Variants in ACACB observed in about 807,000 individuals in gnomAD.
ACACB encodes acetyl-CoA carboxylase beta, also known as acetyl-CoA carboxylase 2.
A neutral mutation model predicts 278.8 loss-of-function variants in ACACB; 209 were observed. The observed-to-expected ratio is 0.75, with a 90% CI of 0.67 to 0.84. The LOEUF is 0.84. Ranked by LOEUF, ACACB falls within the 40% of genes least tolerant of loss-of-function variation. The pLI is 0.00. For missense variants in ACACB, 2,850 were observed against 3,269.0 expected, an observed-to-expected ratio of 0.87 and a Z score of 3.13; for synonymous variants, 1,174 against 1,285.6, an observed-to-expected ratio of 0.91 and a Z score of 1.86.
At chr12:109,233,583 A>G (rs1379693271) in intron 29 of ACACB, among the ~76,000 whole-genome samples, 165 bp from the exon 30 acceptor site, 3 of 152,166 alleles carry the variant, frequency 2.0e-5, no homozygotes, top group African/African-American at 7.2e-5. Flanking sequence ...GCTCTGGACA[A>G]AGTAGACAGG....
At chr12:109,137,533 A>T (rs1299677645) in intron 1 of ACACB, among the ~76,000 whole-genome samples, 1 of 151,774 alleles carries the variant, frequency 6.6e-6, no homozygotes, top group African/African-American at 2.4e-5. Flanking sequence ...GGTGGGGGGC[A>T]CCTGTAATCC....
rs112762957 is a variant in ACACB at position 109,128,141 on chromosome 12, T to C, written c.-9-11256T>C. 2.2e-3 allele frequency among the ~76,000 whole-genome samples: 329 copies of C among 152,200 alleles called. 1 individual carries two copies. Among genetic ancestry groups the C allele is most frequent in the African/African-American group, 7.4e-3 (309 of 41,528 alleles). On this transcript the variant is annotated intron_variant, in intron 1 of 52. Transcript: ENST00000338432. ...ACTGCCTTCTAGATGTGGCTTTTCC[T>C]GATTCTGAGATTCTAGCAATTAGAT... is the stretch of plus-strand genomic sequence containing the variant.
At position 109,210,353 on chromosome 12, in the gene ACACB, C is replaced by A. The variant is rs111219733; in HGVS notation, c.3249+1000C>A. Among the ~76,000 whole-genome samples the A allele has an allele frequency of 7.8e-4, 56 of 71,660 alleles. 6 individuals are homozygous for A. In the East Asian group the frequency reaches 0.021, roughly 27 times the overall value. 47.0% of individuals were successfully genotyped at this position (71,660 alleles called of 152,430 possible). A position where few individuals can be genotyped will look rare whatever the true frequency, so the allele number is the denominator to read the frequency against. Reference sequence around the variant, plus strand: ...TATGTATATACACGCACACACATATCTGTGTATATATGTATATACACGCAC... The same window carrying A: ...TATGTATATACACGCACACACATATATGTGTATATATGTATATACACGCAC... On this transcript the variant is annotated intron_variant, in intron 21 of 52. Coordinates refer to ENST00000338432, the MANE Select transcript of ACACB (RefSeq NM_001093.4).
chr12:109,236,394 T>A (rs962302442), intron 33 of ACACB: 2 of 152,350 alleles, frequency 1.3e-5, no homozygotes, highest in Non-Finnish European at 2.9e-5. Context: ...CTGTTTTTCT[T>A]ATGCTCGTCT....
In ACACB at chr12:109,242,606, C is replaced by G; in HGVS notation, c.5178+14C>G. ...ATGTTCAGGCAGGCAAGTCCGGCGGCTCAGACGCGGTACCCCCTGGGTCCT... is the reference window on the plus strand; with the variant it reads ...ATGTTCAGGCAGGCAAGTCCGGCGGGTCAGACGCGGTACCCCCTGGGTCCT... On this transcript the variant is annotated intron_variant, in intron 37 of 52. Coordinates refer to ENST00000338432, the MANE Select transcript of ACACB (RefSeq NM_001093.4). 1.2e-6 allele frequency: 2 copies of G among 1,613,684 alleles called. No individual in the cohort carries two copies. Among genetic ancestry groups the G allele is most frequent in the African/African-American group, 2.7e-5 (2 of 75,056 alleles).
intron 21 of ACACB, among the ~76,000 whole-genome samples, chr12:109,211,497 C>A (rs950714205): frequency 2.0e-5 from 3 of 152,006 alleles, no homozygotes; most frequent in Admixed American, 1.3e-4. Flanking sequence ...AGGTGATCTG[C>A]CTGCCTCGGC....
At chr12:109,162,798 G>C (rs114850169) in intron 2 of ACACB, among the ~76,000 whole-genome samples, 2 of 152,130 alleles carry the variant, frequency 1.3e-5, no homozygotes. Context: ...GATCCCCAAC[G>C]CACTCCTACC....
intron 37 of ACACB, among the ~76,000 whole-genome samples, chr12:109,243,170 A>T (rs1174948931): frequency 6.6e-6 from 1 of 152,198 alleles, no homozygotes; most frequent in Non-Finnish European, 1.5e-5. Context: ...TAACATTTTG[A>T]TGTGTTTCCT....
At chr12:109,218,710 A>G (rs2046077122) in intron 24 of ACACB, among the ~76,000 whole-genome samples, 1 of 148,246 alleles carries the variant, frequency 6.7e-6, no homozygotes, top group Non-Finnish European at 1.5e-5. Context: ...CTGGGGTGCA[A>G]TGGCATAATC....
chr12:109,170,738 A>C (rs1343356354), intron 4 of ACACB, among the ~76,000 whole-genome samples: 1 of 151,994 alleles, frequency 6.6e-6, no homozygotes, highest in Non-Finnish European at 1.5e-5. Flanking sequence ...ATATAAATAT[A>C]CTTCACTATT....
intron 11 of ACACB, among the ~76,000 whole-genome samples, chr12:109,183,424 T>C (rs892569520): frequency 5.3e-5 from 8 of 152,354 alleles, no homozygotes; most frequent in African/African-American, 1.7e-4. Context: ...ACATGGAATA[T>C]CTTTCCATTT....
chr12:109,225,798 G>A (rs2046297706), intron 27 of ACACB, among the ~76,000 whole-genome samples: 1 of 152,114 alleles, frequency 6.6e-6, no homozygotes, highest in Admixed American at 6.5e-5. Context: ...GCTCTAAGTG[G>A]AAAATACACA....
chr12:109,117,325 A>G (rs1447993459), intron 1 of ACACB, among the ~76,000 whole-genome samples: 1 of 148,968 alleles, frequency 6.7e-6, no homozygotes, highest in Non-Finnish European at 1.5e-5. Flanking sequence ...GCGCCACTGC[A>G]TTCCAGCCTG....
intron 1 of ACACB, among the ~76,000 whole-genome samples, 179 bp from the exon 2 acceptor site, chr12:109,139,218 G>T (rs1337971458): frequency 6.6e-6 from 1 of 152,136 alleles, no homozygotes; most frequent in Non-Finnish European, 1.5e-5. Flanking sequence ...ATCCAGAGGG[G>T]TGAAGGAATA....
Position 109,264,354 on chromosome 12 carries a change from C to T in ACACB, c.6910C>T (p.Pro2304Ser). 1 of 1,614,084 alleles carries T rather than the reference C, an allele frequency of 6.2e-7. No individual in the cohort carries two copies. Residue 2304 changes from proline to serine, a missense_variant, in exon 50 of 53, where the codon CCC (proline) becomes TCC (serine). Pro to Ser is a moderately conservative substitution (Grantham distance 74). Around this residue, in one of 3 missense-constraint regions of ACACB, gnomAD observed 579 missense variants for 684.6 expected, o/e 0.85. Coordinates refer to ENST00000338432, the MANE Select transcript of ACACB (RefSeq NM_001093.4). ...GCAGTTCGCCGACTTCCATGACACACCCGGCCGGATGCTGGAGAAGGGCGT... is the reference window on the plus strand; with the variant it reads ...GCAGTTCGCCGACTTCCATGACACATCCGGCCGGATGCTGGAGAAGGGCGT... ...AVQFADFHDT[P>S]GRMLEKGVIS...
rs554018362 is a variant in ACACB at position 109,237,290 on chromosome 12, G to C, written c.4572G>C (p.Leu1524=). Residue 1524 remains leucine (L), a synonymous_variant, in exon 34 of 53, where the codon CTG becomes CTC. Transcript: ENST00000338432. The part of the protein sequence containing the change: ...PCANHKMHLY[L]GAAKVKEGVE... Reference sequence around the variant, plus strand: ...CCAACCACAAGATGCACCTTTACCTGGGTGCTGCCAAGGTGAAGGAAGGTG... The same window carrying C: ...CCAACCACAAGATGCACCTTTACCTCGGTGCTGCCAAGGTGAAGGAAGGTG... The C allele has an allele frequency of 5.5e-5, 89 of 1,614,194 alleles. No individual in the cohort carries two copies. The South Asian group carries it at 9.6e-4, about 17-fold the overall frequency.
chr12:109,263,110 T>C (rs1438598488), intron 49 of ACACB: 2 of 151,456 alleles, frequency 1.3e-5, no homozygotes, highest in Non-Finnish European at 2.9e-5. Context: ...GATAAGATAT[T>C]TTACTAATTT....
chr12:109,205,629 T>C lies in ACACB; in HGVS notation c.2914-1081T>C, dbSNP rs1301802299. 3.3e-5 allele frequency among the ~76,000 whole-genome samples: 5 copies of C among 152,078 alleles called. No individual in the cohort carries two copies. In the East Asian group the frequency reaches 9.7e-4, roughly 29 times the overall value. ...CATGACTGGCTAATTTTTGTGTGTATTTTTAGTAGAGATGGGGTTTCACCA... is the reference window on the plus strand; with the variant it reads ...CATGACTGGCTAATTTTTGTGTGTACTTTTAGTAGAGATGGGGTTTCACCA... On this transcript the variant is annotated intron_variant, in intron 19 of 52. Coordinates refer to ENST00000338432, the MANE Select transcript of ACACB (RefSeq NM_001093.4).
chr12:109,201,145 A>G (rs2045318225), intron 18 of ACACB, among the ~76,000 whole-genome samples: 1 of 152,244 alleles, frequency 6.6e-6, no homozygotes, highest in East Asian at 1.9e-4. Context: ...CATTTCACAG[A>G]GTGTTCCCTG....
Sources: gnomAD v4.1 joint callset for allele counts (sites outside exome capture counted in the v4.1 genomes callset) on GRCh38, gnomAD v4.1.1 for gene constraint, gnomAD v4.1.1 regional missense constraint, MANE v1.5 for transcripts, NCBI Gene and HGNC (gene_info 2026-07-23, HGNC 2026-07-21) for gene names.